AGFG1: variants seen among roughly 807,000 people sequenced by gnomAD.
AGFG1 encodes the protein ArfGAP with FG repeats 1, also known as arf-GAP domain and FG repeat-containing protein 1.
A neutral mutation model predicts 60.6 loss-of-function variants in AGFG1; 10 were observed. That is an observed-to-expected ratio of 0.16 (90% CI 0.10 to 0.28). The LOEUF (loss-of-function observed/expected upper bound fraction) is 0.28. Ranked by LOEUF, AGFG1 falls within the 10% of genes least tolerant of loss-of-function variation. The pLI is 1.00. For missense variants in AGFG1, 537 were observed against 676.5 expected, an observed-to-expected ratio of 0.79 and a Z score of 2.29; for synonymous variants, 247 against 242.9, an observed-to-expected ratio of 1.02 and a Z score of -0.16.
chr2:227,493,654 G>A (rs1690886950), intron 2 of AGFG1, among the ~76,000 whole-genome samples: 1 of 152,216 alleles, frequency 6.6e-6, no homozygotes, highest in South Asian at 2.1e-4. Flanking sequence ...AGGTTTGCAA[G>A]TTGATAGACC....
chr2:227,534,532 A>G (rs889635722), intron 7 of AGFG1, among the ~76,000 whole-genome samples: 2 of 152,178 alleles, frequency 1.3e-5, no homozygotes, highest in Non-Finnish European at 2.9e-5. Context: ...GTTCATGTGA[A>G]CAAGATCCAC....
At chr2:227,496,622 T>G (rs2106175905) in intron 2 of AGFG1, among the ~76,000 whole-genome samples, 1 of 152,302 alleles carries the variant, frequency 6.6e-6, no homozygotes, top group East Asian at 1.9e-4. Flanking sequence ...GTTGTGAACC[T>G]TGGGCAAGAA....
intron 4 of AGFG1, 102 bp from the exon 5 acceptor site, chr2:227,524,660 A>C (rs1432051449): frequency 9.0e-6 from 11 of 1,218,404 alleles, no homozygotes; most frequent in Middle Eastern, 4.1e-4. Context: ...GCATACTGTA[A>C]CTCTTCGTAT....
intron 1 of AGFG1, among the ~76,000 whole-genome samples, chr2:227,483,764 G>A (rs1055805603): frequency 2.6e-5 from 4 of 152,138 alleles, no homozygotes; most frequent in African/African-American, 9.7e-5. Context: ...TGCTGTAAAT[G>A]TTTATGCTCA....
At chr2:227,491,783 G>T in intron 2 of AGFG1, 143 bp downstream of exon 2, 1 of 507,946 alleles carries the variant, frequency 2.0e-6, no homozygotes, top group Non-Finnish European at 3.4e-6. Flanking sequence ...ATTTTAAAAT[G>T]TACTCATTTA....
chr2:227,517,364 C>A (rs1691684460), intron 2 of AGFG1, among the ~76,000 whole-genome samples: 1 of 152,202 alleles, frequency 6.6e-6, no homozygotes, highest in Admixed American at 6.5e-5. Context: ...CTCCCGGGTT[C>A]AAGCGATTCT....
chr2:227,494,090 A>C (rs1410731669), intron 2 of AGFG1, among the ~76,000 whole-genome samples: 1 of 152,242 alleles, frequency 6.6e-6, no homozygotes, highest in Non-Finnish European at 1.5e-5. Flanking sequence ...ACCAAAGAAC[A>C]TCTTAGAACC....
At chr2:227,495,919 G>A (rs371112548) in intron 2 of AGFG1, among the ~76,000 whole-genome samples, 1 of 151,344 alleles carries the variant, frequency 6.6e-6, no homozygotes, top group Non-Finnish European at 1.5e-5. Context: ...CCTGGCCAAC[G>A]TGGCGAAACT....
In AGFG1 at chr2:227,554,831, T is replaced by C. The variant is rs1184952320; in HGVS notation, c.*336T>C. On this transcript the variant is annotated 3_prime_UTR_variant, in exon 13 of 13. Transcript: ENST00000310078. ...TTGTGCATATCAGTATTTGTAACTT[T>C]AACACATTGTTATGTGAGAAATGTT... 5.8e-6 allele frequency: 1 copy of C among 173,214 alleles called. No individual in the cohort carries two copies. The highest frequency in any genetic ancestry group is 2.4e-5 in the African/African-American group (1 of 42,254). The allele number at this position is 173,214 out of a possible 1,614,324, so 10.7% of individuals were successfully genotyped here. A position where few individuals can be genotyped will look rare whatever the true frequency, so the allele number is the denominator to read the frequency against.
rs753141907 is a variant in AGFG1 at position 227,533,586 on chromosome 2, T to G, written c.852T>G (p.His284Gln). ...SAASVNANFA[H>Q]FDNFPKSSSA... ...CATCAGTAAATGCTAATTTTGCTCATTTTGATAACTTCCCCAAATCCTCCA... is the reference window on the plus strand; with the variant it reads ...CATCAGTAAATGCTAATTTTGCTCAGTTTGATAACTTCCCCAAATCCTCCA... The change falls in exon 7 of 13, where the codon CAT becomes CAG. Residue 284 changes from histidine to glutamine, a missense_variant. By Grantham distance (24) the His-to-Gln change is conservative (BLOSUM62 0). This residue lies in a region of AGFG1 where 287 missense variants were observed against 343.6 expected (regional missense o/e 0.84). Transcript: ENST00000310078. 1 of 1,613,760 alleles carries G rather than the reference T, an allele frequency of 6.2e-7. No homozygotes were observed.
intron 10 of AGFG1, among the ~76,000 whole-genome samples, chr2:227,545,301 A>G (rs911095465): frequency 2.6e-5 from 4 of 152,174 alleles, no homozygotes; most frequent in Non-Finnish European, 5.9e-5. Flanking sequence ...CATGGTTTTC[A>G]GCTCCATCAG....
intron 1 of AGFG1, among the ~76,000 whole-genome samples, chr2:227,480,394 CTTATT>C (rs148242166): frequency 0.05 from 7,545 of 151,748 alleles, 229 homozygotes; most frequent in African/African-American, 0.083. Context: ...TTCCATATTT[CTTATT>C]TTATTTTATT....
At chr2:227,502,879 T>G (rs1302291841) in intron 2 of AGFG1, among the ~76,000 whole-genome samples, 1 of 152,216 alleles carries the variant, frequency 6.6e-6, no homozygotes, top group Non-Finnish European at 1.5e-5. Flanking sequence ...TATACACTTC[T>G]AGCTCTATTG....
intron 11 of AGFG1, among the ~76,000 whole-genome samples, chr2:227,552,653 A>G (rs1007538962): frequency 1.3e-5 from 2 of 151,360 alleles, no homozygotes; most frequent in Non-Finnish European, 2.9e-5. Flanking sequence ...TTGAATCACA[A>G]CTATGTGGTT....
At chr2:227,511,592 G>C (rs1220463106) in intron 2 of AGFG1, among the ~76,000 whole-genome samples, 1 of 152,132 alleles carries the variant, frequency 6.6e-6, no homozygotes, top group Non-Finnish European at 1.5e-5. Flanking sequence ...ACCTAAATAA[G>C]TTGGGGAACT....
chr2:227,503,072 A>G (rs1691208204), intron 2 of AGFG1, among the ~76,000 whole-genome samples: 1 of 151,998 alleles, frequency 6.6e-6, no homozygotes, highest in South Asian at 2.1e-4. Flanking sequence ...GTCTCTACAA[A>G]AAATACAAAA....
intron 5 of AGFG1, 49 bp downstream of exon 5, chr2:227,524,964 C>G (rs1559187168): frequency 6.3e-7 from 1 of 1,588,826 alleles, no homozygotes; most frequent in African/African-American, 1.3e-5. Context: ...TATAAAACAC[C>G]AAGAAACATC....
At chr2:227,528,909 A>G (rs1272306126) in intron 5 of AGFG1, among the ~76,000 whole-genome samples, 1 of 152,214 alleles carries the variant, frequency 6.6e-6, no homozygotes, top group African/African-American at 2.4e-5. Flanking sequence ...AGATTGATAG[A>G]AAGTGGTTAA....
chr2:227,479,735 T>C (rs924630055), intron 1 of AGFG1, among the ~76,000 whole-genome samples: 2 of 152,258 alleles, frequency 1.3e-5, no homozygotes, highest in Non-Finnish European at 2.9e-5. Context: ...TGGATACCTT[T>C]AATGTATGTA....
Sources: allele counts gnomAD v4.1 joint callset (sites outside exome capture counted in the v4.1 genomes callset), GRCh38; gene constraint gnomAD v4.1.1; regional missense constraint gnomAD v4.1.1; transcripts MANE v1.5; gene names NCBI Gene and HGNC (gene_info 2026-07-23, HGNC 2026-07-21).